The following CTDSPL variants were observed in gnomAD, a reference collection of about 807,000 sequenced individuals.
CTDSPL encodes the protein CTD small phosphatase-like protein.
In CTDSPL, 8 loss-of-function variants were observed where a neutral mutation model predicts 30.5. The observed-to-expected ratio is 0.26, with a 90% CI of 0.15 to 0.47. The LOEUF is 0.47. Ranked by LOEUF, CTDSPL falls within the 20% of genes least tolerant of loss-of-function variation. CTDSPL has a pLI of 0.99. For missense variants in CTDSPL, 248 were observed against 366.1 expected (o/e 0.68, Z 2.63); for synonymous variants, 110 against 137.9 (o/e 0.80, Z 1.42).
At chr3:37,965,948 C>T (rs58557478) in intron 4 of CTDSPL, among the ~76,000 whole-genome samples, 98 of 152,330 alleles carry the variant, frequency 6.4e-4, no homozygotes, top group African/African-American at 2.3e-3. Context: ...TGTGTCCCAG[C>T]TTAACCCTAG....
chr3:37,897,730 C>T (rs755732029), intron 1 of CTDSPL, among the ~76,000 whole-genome samples: 9 of 151,942 alleles, frequency 5.9e-5, no homozygotes, highest in Non-Finnish European at 1.2e-4. Flanking sequence ...ATTTTCAGAC[C>T]ACTAGGGTCA....
chr3:37,881,648 G>A (rs1698205384), intron 1 of CTDSPL, among the ~76,000 whole-genome samples: 2 of 151,888 alleles, frequency 1.3e-5, no homozygotes, highest in Non-Finnish European at 2.9e-5. Flanking sequence ...ATGTAATGTT[G>A]AACAACAACA....
chr3:37,956,196 A>G (rs925481706), intron 2 of CTDSPL, among the ~76,000 whole-genome samples: 17 of 152,236 alleles, frequency 1.1e-4, no homozygotes, highest in African/African-American at 4.1e-4. Flanking sequence ...CTTAGTGTCA[A>G]AACAGAGCTC....
At position 37,975,289 on chromosome 3, in the gene CTDSPL, T is replaced by A. The variant is rs2125635236; in HGVS notation, c.520-420T>A. On this transcript the variant is annotated intron_variant, in intron 6 of 7. Coordinates refer to ENST00000273179, the MANE Select transcript of CTDSPL (RefSeq NM_001008392.2). The surrounding 1 kb of genome is among the most constrained non-coding windows in gnomAD (Gnocchi z 4.9). ...GTGCGGTGTGTAGACAGTGGAGAGT[T>A]TTCAGCAGAGGAGTGACATGATGGC... 6.6e-6 allele frequency among the ~76,000 whole-genome samples: 1 copy of A among 151,966 alleles called. No homozygotes were observed. Among genetic ancestry groups the A allele is most frequent in the Middle Eastern group, 3.4e-3 (1 of 294 alleles).
chr3:37,941,311 C>T (rs1698975136), intron 1 of CTDSPL, among the ~76,000 whole-genome samples: 1 of 150,220 alleles, frequency 6.7e-6, no homozygotes, highest in Admixed American at 6.7e-5. Context: ...TCTACCTCAT[C>T]TACCTCTATC....
chr3:37,957,206 A>G (rs1012241202), intron 3 of CTDSPL, 63 bp downstream of exon 3: 11 of 1,169,914 alleles, frequency 9.4e-6, no homozygotes, highest in Middle Eastern at 2.7e-4. Flanking sequence ...CTTTGGGCCT[A>G]CTTATATAAA....
rs1698967292 is a variant in CTDSPL at position 37,940,588 on chromosome 3, G to C, written c.80-6469G>C. ...TTGCTCCAGGCTTACATCCTGCCAT[G>C]TTAAGAAACCCAGCAAAAGGCAAAT... On this transcript the variant is annotated intron_variant, in intron 1 of 7. Coordinates refer to ENST00000273179, the MANE Select transcript of CTDSPL (RefSeq NM_001008392.2). 1.3e-5 allele frequency among the ~76,000 whole-genome samples: 2 copies of C among 150,332 alleles called. 1 individual carries two copies. Among genetic ancestry groups the C allele is most frequent in the Non-Finnish European group, 3.0e-5 (2 of 67,086 alleles).
intron 1 of CTDSPL, among the ~76,000 whole-genome samples, chr3:37,936,706 G>A (rs1462848283): frequency 1.5e-5 from 2 of 137,692 alleles, no homozygotes; most frequent in South Asian, 2.6e-4. Context: ...CCGTAATAAT[G>A]TAGTTGTGAA....
chr3:37,895,791 G>A (rs73056991), intron 1 of CTDSPL, among the ~76,000 whole-genome samples: 4,916 of 152,238 alleles, frequency 0.032, 92 homozygotes, highest in Middle Eastern at 0.051. Context: ...AGAAGTAAGA[G>A]TTTTTACCCA....
chr3:37,943,852 C>T (rs1559640378), intron 1 of CTDSPL, among the ~76,000 whole-genome samples: 1 of 150,254 alleles, frequency 6.7e-6, no homozygotes, highest in African/African-American at 2.4e-5. Context: ...CCAGCAGGAG[C>T]GTTCTACTGG....
In CTDSPL at chr3:37,984,414, A is replaced by G. The variant is rs769889776; in HGVS notation, c.*3547A>G. The G allele has an allele frequency of 4.8e-6, 2 of 419,790 alleles. No homozygotes were observed. Among genetic ancestry groups the G allele is most frequent in the Non-Finnish European group, 9.9e-6 (2 of 202,976 alleles). 26.0% of individuals were successfully genotyped at this position (419,790 alleles called of 1,614,324 possible). On this transcript the variant is annotated 3_prime_UTR_variant, in exon 8 of 8. Coordinates refer to ENST00000273179, the MANE Select transcript of CTDSPL (RefSeq NM_001008392.2). ...CACGTTTCCAGGGGCGAGTATTGTCAATCAAAAGGTTTGCAATGATTTCCT... is the reference window on the plus strand; with the variant it reads ...CACGTTTCCAGGGGCGAGTATTGTCGATCAAAAGGTTTGCAATGATTTCCT...
intron 1 of CTDSPL, among the ~76,000 whole-genome samples, chr3:37,867,084 G>A (rs965867301): frequency 1.3e-5 from 2 of 152,046 alleles, no homozygotes; most frequent in African/African-American, 4.8e-5. Context: ...CCCTCCTGTT[G>A]CCCTTCAGAG....
chr3:37,961,551 G>A (rs539190508), intron 3 of CTDSPL, among the ~76,000 whole-genome samples: 1 of 152,280 alleles, frequency 6.6e-6, no homozygotes, highest in East Asian at 1.9e-4. Flanking sequence ...AAGGGGAGAG[G>A]ATTTGTTTTC....
intron 1 of CTDSPL, among the ~76,000 whole-genome samples, chr3:37,900,700 T>G: frequency 6.6e-6 from 1 of 152,172 alleles, no homozygotes; most frequent in East Asian, 1.9e-4. Flanking sequence ...ATGGAACCTA[T>G]CTCACATATA....
chr3:37,959,873 TAATC>T lies in CTDSPL; in HGVS notation c.267+2733_267+2736del, dbSNP rs1387173773. On this transcript the variant is annotated intron_variant, in intron 3 of 7. Coordinates refer to ENST00000273179, the MANE Select transcript of CTDSPL (RefSeq NM_001008392.2). ...TGCCTCATACCCTTACTGAAAATGA[TAATC>T]AAATGTTTCAATCTTTGCTAATCTG... Among the ~76,000 whole-genome samples the T allele has an allele frequency of 8.5e-5, 13 of 152,354 alleles. No individual in the cohort carries two copies. The East Asian group carries it at 2.5e-3, about 29-fold the overall frequency.
chr3:37,897,514 A>G (rs1698402905), intron 1 of CTDSPL, among the ~76,000 whole-genome samples: 1 of 152,190 alleles, frequency 6.6e-6, no homozygotes, highest in African/African-American at 2.4e-5. Flanking sequence ...TGAAAAGAAA[A>G]TCTCTTACTG....
intron 1 of CTDSPL, among the ~76,000 whole-genome samples, chr3:37,919,783 C>G (rs1167938175): frequency 6.6e-6 from 1 of 152,110 alleles, no homozygotes; most frequent in Non-Finnish European, 1.5e-5. Flanking sequence ...CTCCTGGATT[C>G]CAGGAGTTGT....
At position 37,945,760 on chromosome 3, in the gene CTDSPL, G is replaced by A. The variant is rs573297673; in HGVS notation, c.80-1297G>A. Among the ~76,000 whole-genome samples, 11 of 151,914 alleles carry A rather than the reference G, an allele frequency of 7.2e-5. 1 individual carries two copies. In the South Asian group the frequency reaches 2.3e-3, roughly 32 times the overall value. ...TGGATCTTAAATTCATACTTACTGG[G>A]CCATTTGCCCAAACCTAGGGTAGAA... On this transcript the variant is annotated intron_variant, in intron 1 of 7. Coordinates refer to ENST00000273179, the MANE Select transcript of CTDSPL (RefSeq NM_001008392.2).
chr3:37,892,804 A>T (rs74906226), intron 1 of CTDSPL, among the ~76,000 whole-genome samples: 1 of 152,206 alleles, frequency 6.6e-6, no homozygotes, highest in Non-Finnish European at 1.5e-5. Flanking sequence ...AGCTGGAACG[A>T]TGTCTGACAA....
Sources: allele counts gnomAD v4.1 joint callset (sites outside exome capture counted in the v4.1 genomes callset), GRCh38; gene constraint gnomAD v4.1.1; non-coding constraint Gnocchi (gnomAD v3.1); transcripts MANE v1.5; gene names NCBI Gene and HGNC (gene_info 2026-07-23, HGNC 2026-07-21).